The following MRGPRF variants were observed in gnomAD, a reference collection of about 807,000 sequenced individuals.
The protein encoded by MRGPRF is MAS related GPR family member F.
MRGPRF carries 2 observed loss-of-function variants against 3.3 expected under a neutral mutation model. The observed-to-expected ratio is 0.61, with a 90% CI of 0.25 to 1.92. MRGPRF has a LOEUF of 1.92. Among genes scored for constraint, MRGPRF ranks in the 40% most tolerant of loss-of-function variants. The pLI is 0.16. For missense variants in MRGPRF, 500 were observed against 476.0 expected, an observed-to-expected ratio of 1.05 and a Z score of -0.47; for synonymous variants, 242 against 222.7, an observed-to-expected ratio of 1.09 and a Z score of -0.77.
rs369675458 is a variant in MRGPRF at position 69,006,204 on chromosome 11, C to T, written c.106G>A (p.Glu36Lys). 1.9e-6 allele frequency: 3 copies of T among 1,613,642 alleles called. No homozygotes were observed. The highest frequency in any genetic ancestry group is 1.1e-5 in the South Asian group (1 of 91,072). Residue 36 changes from glutamate to lysine, a missense_variant, in exon 3 of 3, where the codon GAG (glutamate) becomes AAG (lysine). By Grantham distance (56) the Glu-to-Lys change is moderately conservative. Coordinates refer to ENST00000309099, the MANE Select transcript of MRGPRF (RefSeq NM_145015.5). ...ELYSRGFLTI[E>K]QIAMLPPPAV... ...GGAGGCGGCAGCATCGCGATCTGCT[C>T]GATGGTCAGGAAGCCCCGGCTGTAG...
At chr11:69,009,497 T>TA in intron 2 of MRGPRF, 1 of 582,276 alleles carries the variant, frequency 1.7e-6, no homozygotes, top group Non-Finnish European at 3.1e-6. Context: ...GGAGTCAGCG[T>TA]CCCAGGGCTT....
At chr11:69,010,439 A>G (rs1333667549) in intron 1 of MRGPRF, among the ~76,000 whole-genome samples, 1 of 152,142 alleles carries the variant, frequency 6.6e-6, no homozygotes, top group Admixed American at 6.5e-5. Flanking sequence ...GGTTTGTAAC[A>G]TGCTAAGGCA....
At chr11:69,006,683 G>T (rs537040336) in intron 2 of MRGPRF, among the ~76,000 whole-genome samples, 25 of 148,044 alleles carry the variant, frequency 1.7e-4, no homozygotes, top group African/African-American at 6.3e-4. Flanking sequence ...GCGTGCAGTG[G>T]CACGATCTCG....
rs763966595 is a variant in MRGPRF at position 69,006,194 on chromosome 11, G to A, written c.116C>T (p.Ala39Val). Reference sequence around the variant, plus strand: ...CATGACGGCCGGAGGCGGCAGCATCGCGATCTGCTCGATGGTCAGGAAGCC... The same window carrying A: ...CATGACGGCCGGAGGCGGCAGCATCACGATCTGCTCGATGGTCAGGAAGCC... Reference protein sequence around the residue: ...SRGFLTIEQIAMLPPPAVMNY... With the variant: ...SRGFLTIEQIVMLPPPAVMNY... Residue 39 changes from alanine (A) to valine (V), a missense_variant, in exon 3 of 3, where the codon GCG becomes GTG. Physicochemically the swap from Ala to Val is moderately conservative, Grantham distance 64. Transcript: ENST00000309099. 1.2e-6 allele frequency: 2 copies of A among 1,613,768 alleles called. No homozygotes were observed. The highest frequency in any genetic ancestry group is 1.7e-6 in the Non-Finnish European group (2 of 1,180,036).
Position 69,004,907 on chromosome 11 carries a change from G to C in MRGPRF, c.*371C>G, listed in dbSNP as rs1860436739. ...GGATGAGGCTGCTGGCCTGGTGCTG[G>C]CTGGGACACAGTCAAGGAGGGCTGA... is the stretch of plus-strand genomic sequence containing the variant. On this transcript the variant is annotated 3_prime_UTR_variant, in exon 3 of 3. Coordinates refer to ENST00000309099, the MANE Select transcript of MRGPRF (RefSeq NM_145015.5). 4.3e-6 allele frequency: 1 copy of C among 230,784 alleles called. No homozygotes were observed. The highest frequency in any genetic ancestry group is 1.1e-4 in the South Asian group (1 of 9,132). The allele number at this position is 230,784 out of a possible 1,614,324, so 14.3% of individuals were successfully genotyped here. A position where few individuals can be genotyped will look rare whatever the true frequency, so the allele number is the denominator to read the frequency against.
At chr11:69,007,669 A>G (rs1478562924) in intron 2 of MRGPRF, among the ~76,000 whole-genome samples, 7 of 152,192 alleles carry the variant, frequency 4.6e-5, no homozygotes, top group Non-Finnish European at 1.0e-4. Flanking sequence ...ACAAACACGA[A>G]ACTATTTGAA....
rs1277877076 is a variant in MRGPRF, at chr11:69,006,727, G to A, written c.49-466C>T. 5.5e-5 allele frequency among the ~76,000 whole-genome samples: 8 copies of A among 145,172 alleles called. No homozygotes were observed. The East Asian group carries it at 6.4e-4, about 12-fold the overall frequency. On this transcript the variant is annotated intron_variant, in intron 2 of 2. Coordinates refer to ENST00000309099, the MANE Select transcript of MRGPRF (RefSeq NM_145015.5). ...CAACCTCTGCCTCCCAGGTTCAAGC[G>A]ATTCTCCTGCCTCAGCCTCCTGAGT...
At chr11:69,009,529 A>G (rs1860551088) in intron 2 of MRGPRF, 4 of 584,888 alleles carry the variant, frequency 6.8e-6, no homozygotes, top group South Asian at 2.0e-5. Flanking sequence ...TGGCTGTAGT[A>G]AGTAGCTGAC....
At position 69,006,215 on chromosome 11, in the gene MRGPRF, A is replaced by G. The variant is rs369370363; in HGVS notation, c.95T>C (p.Phe32Ser). 1.9e-6 allele frequency: 3 copies of G among 1,613,532 alleles called. No homozygotes were observed. Among genetic ancestry groups the G allele is most frequent in the East Asian group, 2.2e-5 (1 of 44,868 alleles). The change falls in exon 3 of 3, where the codon TTC becomes TCC. Residue 32 changes from phenylalanine to serine, a missense_variant. Physicochemically the swap from Phe to Ser is radical, Grantham distance 155. Transcript: ENST00000309099. ...CATCGCGATCTGCTCGATGGTCAGGAAGCCCCGGCTGTAGAGTTCCGGGGC... is the reference window on the plus strand; with the variant it reads ...CATCGCGATCTGCTCGATGGTCAGGGAGCCCCGGCTGTAGAGTTCCGGGGC... ...SEAPELYSRG[F>S]LTIEQIAMLP...
In MRGPRF at chr11:69,005,445, T is replaced by G; in HGVS notation, c.865A>C (p.Ile289Leu). 6.3e-6 allele frequency: 10 copies of G among 1,589,734 alleles called. No individual in the cohort carries two copies. The highest frequency in any genetic ancestry group is 7.7e-6 in the Non-Finnish European group (9 of 1,168,336). ...CICINSSAKPIVYFLAGRDKS... is the reference protein window; with the variant it reads ...CICINSSAKPLVYFLAGRDKS... ...TCCCTCCCGGCCAGGAAGTAGACGA[T>G]GGGCTTGGCGCTGCTGTTGATGCAG... The change falls in exon 3 of 3, where the codon ATC (isoleucine) becomes CTC (leucine). Residue 289 changes from isoleucine (I) to leucine (L), a missense_variant. Ile to Leu is a conservative substitution (Grantham distance 5). Coordinates refer to ENST00000309099, the MANE Select transcript of MRGPRF (RefSeq NM_145015.5).
rs750602590 is a variant in MRGPRF, at chr11:69,005,442, C to T, written c.868G>A (p.Val290Ile). The T allele has an allele frequency of 5.0e-6, 8 of 1,590,092 alleles. No individual in the cohort carries two copies. In the South Asian group the frequency reaches 5.7e-5, roughly 11 times the overall value. Residue 290 changes from valine (V) to isoleucine (I), a missense_variant, in exon 3 of 3, where the codon GTC becomes ATC. Physicochemically the swap from Val to Ile is conservative, Grantham distance 29 (BLOSUM62 3). Coordinates refer to ENST00000309099, the MANE Select transcript of MRGPRF (RefSeq NM_145015.5). ...TTGTCCCTCCCGGCCAGGAAGTAGA[C>T]GATGGGCTTGGCGCTGCTGTTGATG... is the stretch of plus-strand genomic sequence containing the variant. Reference protein sequence around the residue: ...ICINSSAKPIVYFLAGRDKSQ... With the variant: ...ICINSSAKPIIYFLAGRDKSQ...
chr11:69,005,857 G>A lies in MRGPRF; in HGVS notation c.453C>T (p.Tyr151=). Reference sequence around the variant, plus strand: ...ACAGGCGCTTGGGCCGCCGGCGCCAGTACCAGGCGGGGAAGATGACCGAGG... The same window carrying A: ...ACAGGCGCTTGGGCCGCCGGCGCCAATACCAGGCGGGGAAGATGACCGAGG... The part of the protein sequence containing the change: ...RCASVIFPAW[Y]WRRRPKRLSA... Residue 151 remains tyrosine, a synonymous_variant, in exon 3 of 3, where the codon TAC becomes TAT. Transcript: ENST00000309099. 1 of 1,551,922 alleles carries A rather than the reference G, an allele frequency of 6.4e-7. No homozygotes were observed. The highest frequency in any genetic ancestry group is 8.7e-7 in the Non-Finnish European group (1 of 1,150,860).
chr11:69,009,281 G>C (rs1029094120), intron 2 of MRGPRF: 5 of 306,130 alleles, frequency 1.6e-5, no homozygotes, highest in Non-Finnish European at 3.0e-5. Context: ...TCGAAGTTGA[G>C]AGCGAAGGAA....
At chr11:69,010,920 C>T (rs111640699) in intron 1 of MRGPRF, among the ~76,000 whole-genome samples, 4,253 of 152,246 alleles carry the variant, frequency 0.028, 206 homozygotes, top group African/African-American at 0.097. Flanking sequence ...AGCCCTGTGC[C>T]CCTTCCCCGC....
rs1163843209 is a variant in MRGPRF at position 69,005,735 on chromosome 11, G to T, written c.575C>A (p.Ala192Glu). Residue 192 changes from alanine to glutamate, a missense_variant, in exon 3 of 3, where the codon GCG becomes GAG. By Grantham distance (107) the Ala-to-Glu change is moderately radical. Coordinates refer to ENST00000309099, the MANE Select transcript of MRGPRF (RefSeq NM_145015.5). ...CVFLGRGAPG[A>E]ACRHMDIFLG... ...GAAGATGTCCATGTGCCTGCAGGCC[G>T]CGCCGGGGGCCCCGCGGCCCAGGAA... is the stretch of plus-strand genomic sequence containing the variant. 3 of 1,549,978 alleles carry T rather than the reference G, an allele frequency of 1.9e-6. No homozygotes were observed. The highest frequency in any genetic ancestry group is 2.7e-5 in the African/African-American group (2 of 73,036).
chr11:69,006,357 A>C, intron 2 of MRGPRF, 96 bp from the exon 3 acceptor site: 6 of 1,229,590 alleles, frequency 4.9e-6, no homozygotes, highest in Admixed American at 2.4e-5. Flanking sequence ...GGGGGTCCCA[A>C]TTAGGGACTT....
chr11:69,005,678 G>C lies in MRGPRF; in HGVS notation c.632C>G (p.Pro211Arg). The change falls in exon 3 of 3, where the codon CCG (proline) becomes CGG (arginine). Residue 211 changes from proline to arginine, a missense_variant. Physicochemically the swap from Pro to Arg is moderately radical, Grantham distance 103. Transcript: ENST00000309099. The part of the protein sequence containing the change: ...LGILLFLLCC[P>R]LMVLPCLALI... ...GGCCAGGCAGGGCAGCACCATGAGCGGGCAGCAGAGCAGGAACAGGAGGAT... is the reference window on the plus strand; with the variant it reads ...GGCCAGGCAGGGCAGCACCATGAGCCGGCAGCAGAGCAGGAACAGGAGGAT... The C allele has an allele frequency of 6.4e-7, 1 of 1,551,468 alleles. No individual in the cohort carries two copies. Among genetic ancestry groups the C allele is most frequent in the Non-Finnish European group, 8.7e-7 (1 of 1,147,280 alleles).
chr11:69,005,500 G>T lies in MRGPRF; in HGVS notation c.810C>A (p.Pro270=). The change falls in exon 3 of 3, where the codon CCC becomes CCA. Residue 270 remains proline, a synonymous_variant. Coordinates refer to ENST00000309099, the MANE Select transcript of MRGPRF (RefSeq NM_145015.5). ...ACAGGTCAGTGACGTACTCGGGGAA[G>T]GGGGCCGGGATCTGGAAGACCCAGA... ...FLFWVFQIPA[P]FPEYVTDLCI... 6.3e-7 allele frequency: 1 copy of T among 1,580,814 alleles called. No homozygotes were observed. Among genetic ancestry groups the T allele is most frequent in the East Asian group, 2.3e-5 (1 of 43,002 alleles).
In MRGPRF at chr11:69,010,022, G is replaced by A. The variant is rs1860564909; in HGVS notation, c.-56-65C>T. On this transcript the variant is annotated intron_variant, in intron 1 of 2. Transcript: ENST00000309099. ...GGACCCCTCCCCTTCCTGGACCCCC[G>A]TGCCTAGGCCCCCAAGGCCTGTGGC... The A allele has an allele frequency of 1.8e-5, 20 of 1,109,876 alleles. No homozygotes were observed. In the Middle Eastern group the frequency reaches 9.3e-4, roughly 51 times the overall value. 68.8% of individuals were successfully genotyped at this position (1,109,876 alleles called of 1,614,324 possible). A position where few individuals can be genotyped will look rare whatever the true frequency, so the allele number is the denominator to read the frequency against.
Sources: allele counts gnomAD v4.1 joint callset (sites outside exome capture counted in the v4.1 genomes callset), GRCh38; gene constraint gnomAD v4.1.1; transcripts MANE v1.5; gene names NCBI Gene and HGNC (gene_info 2026-07-23, HGNC 2026-07-21).